TMC2: variants seen among roughly 807,000 people sequenced by gnomAD.
The protein encoded by TMC2 is transmembrane channel like 2.
TMC2 carries 102 observed loss-of-function variants against 105.9 expected under a neutral mutation model. The observed-to-expected ratio is 0.96, with a 90% CI of 0.82 to 1.14. The LOEUF (loss-of-function observed/expected upper bound fraction) is 1.14, where lower values mean the gene tolerates loss of function less well. Ranked by LOEUF, TMC2 falls within the 50% of genes most tolerant of loss-of-function variation. TMC2 has a pLI of 0.00. For missense variants in TMC2, 1,093 were observed against 1,134.3 expected (o/e 0.96, Z 0.52); for synonymous variants, 402 against 422.8 (o/e 0.95, Z 0.60).
chr20:2,593,426 T>C (rs2086282873), intron 8 of TMC2, among the ~76,000 whole-genome samples: 1 of 152,122 alleles, frequency 6.6e-6, no homozygotes, highest in Non-Finnish European at 1.5e-5. Flanking sequence ...AGGAAGAAAA[T>C]CAGTGAATAT....
At position 2,599,572 on chromosome 20, in the gene TMC2, G is replaced by C. The variant is rs531036409; in HGVS notation, c.1224+2274G>C. On this transcript the variant is annotated intron_variant, in intron 10 of 19. Coordinates refer to ENST00000358864, the MANE Select transcript of TMC2 (RefSeq NM_080751.3). ...TTTTTTTTTTTTTTTTGGAGACAAG[G>C]TCTCACTCTGGCTGGAGTGCCATGC... 3.7e-4 allele frequency among the ~76,000 whole-genome samples: 44 copies of C among 117,562 alleles called. 1 individual carries two copies. In the East Asian group the frequency reaches 7.2e-3, roughly 19 times the overall value. The allele number at this position is 117,562 out of a possible 152,430, so 77.1% of individuals were successfully genotyped here.
chr20:2,627,277 C>A (rs2086571406), intron 17 of TMC2, among the ~76,000 whole-genome samples: 1 of 152,230 alleles, frequency 6.6e-6, no homozygotes, highest in Non-Finnish European at 1.5e-5. Context: ...CCCAATTCTT[C>A]CGTCTTTGCT....
chr20:2,547,169 T>G (rs1280383423), intron 2 of TMC2, among the ~76,000 whole-genome samples: 1 of 152,196 alleles, frequency 6.6e-6, no homozygotes. Context: ...CCTAAACATC[T>G]ACATTTTAAT....
intron 7 of TMC2, among the ~76,000 whole-genome samples, chr20:2,589,746 T>C (rs1235277207): frequency 6.6e-6 from 1 of 152,168 alleles, no homozygotes; most frequent in Non-Finnish European, 1.5e-5. Context: ...CTCGGCTCAC[T>C]GCAAGCTCCG....
At chr20:2,571,402 C>T (rs1432753135) in intron 4 of TMC2, among the ~76,000 whole-genome samples, 1 of 152,112 alleles carries the variant, frequency 6.6e-6, no homozygotes, top group Non-Finnish European at 1.5e-5. Flanking sequence ...TGAGAAAATT[C>T]TCATCATCAC....
rs2086452984 is a variant in TMC2, at chr20:2,613,051, T to C, written c.1744-143T>C. 2.6e-6 allele frequency: 3 copies of C among 1,139,042 alleles called. No homozygotes were observed. In the South Asian group the frequency reaches 4.9e-5, roughly 19 times the overall value. 70.6% of individuals were successfully genotyped at this position (1,139,042 alleles called of 1,614,324 possible). A position where few individuals can be genotyped will look rare whatever the true frequency, so the allele number is the denominator to read the frequency against. On this transcript the variant is annotated intron_variant, in intron 13 of 19. Coordinates refer to ENST00000358864, the MANE Select transcript of TMC2 (RefSeq NM_080751.3). ...TTTCCAGAGCCAGGAGTCGCCTCTC[T>C]TCACACACAAAGGATCAGAGGGTCA... is the stretch of plus-strand genomic sequence containing the variant.
intron 2 of TMC2, among the ~76,000 whole-genome samples, chr20:2,553,961 T>C (rs1433936017): frequency 6.6e-6 from 1 of 152,214 alleles, no homozygotes; most frequent in Non-Finnish European, 1.5e-5. Context: ...CTCAGCTCAC[T>C]GCAACCTCTG....
At position 2,567,398 on chromosome 20, in the gene TMC2, C is replaced by G. The variant is rs539277488; in HGVS notation, c.555-4781C>G. 1.1e-3 allele frequency among the ~76,000 whole-genome samples: 163 copies of G among 152,230 alleles called. 1 individual carries two copies. Among genetic ancestry groups the G allele is most frequent in the African/African-American group, 3.9e-3 (162 of 41,534 alleles). Reference sequence around the variant, plus strand: ...GTAAAACATAAGATTTAAATAATACCTAGAGTCTTATAATATCCAAAAGTC... The same window carrying G: ...GTAAAACATAAGATTTAAATAATACGTAGAGTCTTATAATATCCAAAAGTC... On this transcript the variant is annotated intron_variant, in intron 4 of 19. Coordinates refer to ENST00000358864, the MANE Select transcript of TMC2 (RefSeq NM_080751.3).
Position 2,617,210 on chromosome 20 carries a change from C to A in TMC2, c.2079C>A (p.Asn693Lys), listed in dbSNP as rs746709480. The A allele has an allele frequency of 6.2e-7, 1 of 1,614,246 alleles. No homozygotes were observed. Among genetic ancestry groups the A allele is most frequent in the Admixed American group, 1.7e-5 (1 of 60,034 alleles). The change falls in exon 16 of 20, where the codon AAC becomes AAA. Residue 693 changes from asparagine (N) to lysine (K), a missense_variant. Transcript: ENST00000358864. ...ERVFKASRSN[N>K]FYMGLLLLVL... ...TGTTCAAAGCCTCCCGATCCAACAA[C>A]TTCTACATGGGCCTCCTGCTGCTGG...
chr20:2,578,191 G>A (rs551753504), intron 5 of TMC2, among the ~76,000 whole-genome samples: 17 of 151,506 alleles, frequency 1.1e-4, no homozygotes, highest in African/African-American at 2.9e-4. Context: ...GTGGTGGTGC[G>A]TGCTTGTAAT....
At chr20:2,618,994 G>A (rs1000445954) in intron 16 of TMC2, among the ~76,000 whole-genome samples, 5 of 152,154 alleles carry the variant, frequency 3.3e-5, no homozygotes, top group African/African-American at 1.2e-4. Context: ...GAGCAACCCT[G>A]AGGGCATTAC....
At chr20:2,568,980 G>A (rs1463267424) in intron 4 of TMC2, among the ~76,000 whole-genome samples, 2 of 152,178 alleles carry the variant, frequency 1.3e-5, no homozygotes, top group Non-Finnish European at 2.9e-5. Context: ...GAGCAGTGGT[G>A]ACTGTAGCAA....
chr20:2,627,170 A>AT (rs1484262295), intron 17 of TMC2, among the ~76,000 whole-genome samples: 2 of 152,290 alleles, frequency 1.3e-5, no homozygotes, highest in East Asian at 3.9e-4. Context: ...GTTTACTCAT[A>AT]TAGCCTCCAG....
Position 2,558,855 on chromosome 20 carries a change from C to A in TMC2, c.401+81C>A. 2 of 1,372,854 alleles carry A rather than the reference C, an allele frequency of 1.5e-6. No individual in the cohort carries two copies. The highest frequency in any genetic ancestry group is 9.7e-7 in the Non-Finnish European group (1 of 1,027,822). 85.0% of individuals were successfully genotyped at this position (1,372,854 alleles called of 1,614,324 possible). On this transcript the variant is annotated intron_variant, in intron 3 of 19. Transcript: ENST00000358864. The surrounding 1 kb of genome is among the most constrained non-coding windows in gnomAD (Gnocchi z 4.6). ...GCCCTTCCCCTTCCCCCGTGAGGGA[C>A]TGATGCCCCCCTCCCCGGGGAGAGG...
rs745927094 is a variant in TMC2, at chr20:2,617,081, C to A, written c.1950C>A (p.Ser650=). The part of the protein sequence containing the change: ...IFNQGMIWMG[S]FYAPGLVGIN... ...GTTTCTGCCATTCCAGGATGGGCTCCTTCTATGCTCCAGGCCTGGTGGGCA... is the reference window on the plus strand; with the variant it reads ...GTTTCTGCCATTCCAGGATGGGCTCATTCTATGCTCCAGGCCTGGTGGGCA... The change falls in exon 16 of 20, where the codon TCC becomes TCA. Residue 650 remains serine, a synonymous_variant. Coordinates refer to ENST00000358864, the MANE Select transcript of TMC2 (RefSeq NM_080751.3). The A allele has an allele frequency of 2.5e-6, 4 of 1,614,092 alleles. No homozygotes were observed. Among genetic ancestry groups the A allele is most frequent in the Non-Finnish European group, 3.4e-6 (4 of 1,180,046 alleles).
intron 7 of TMC2, among the ~76,000 whole-genome samples, chr20:2,590,843 A>AT (rs2086263493): frequency 1.3e-5 from 2 of 152,246 alleles, no homozygotes; most frequent in African/African-American, 2.4e-5. Context: ...AATGGCAGTG[A>AT]TTTTCTGTAT....
intron 12 of TMC2, among the ~76,000 whole-genome samples, chr20:2,611,096 T>C (rs1350812202): frequency 6.6e-6 from 1 of 152,178 alleles, no homozygotes; most frequent in Non-Finnish European, 1.5e-5. Context: ...TGGGATGTGC[T>C]TCAGTAGTGG....
chr20:2,591,315 CT>C (rs1309287904), intron 7 of TMC2, among the ~76,000 whole-genome samples: 1 of 152,082 alleles, frequency 6.6e-6, no homozygotes, highest in Non-Finnish European at 1.5e-5. Context: ...AATAACTAGA[CT>C]AAAATATACA....
chr20:2,632,327 G>C (rs1324916169), intron 17 of TMC2, among the ~76,000 whole-genome samples: 1 of 151,820 alleles, frequency 6.6e-6, no homozygotes, highest in African/African-American at 2.4e-5. Flanking sequence ...ATTTCTATTT[G>C]GTTATTTTAT....
Sources: gnomAD v4.1 joint callset for allele counts (sites outside exome capture counted in the v4.1 genomes callset) on GRCh38, gnomAD v4.1.1 for gene constraint, Gnocchi (gnomAD v3.1) non-coding constraint, MANE v1.5 for transcripts, NCBI Gene and HGNC (gene_info 2026-07-23, HGNC 2026-07-21) for gene names.